Variants in PARD6G observed in about 807,000 individuals in gnomAD.
PARD6G encodes the protein partitioning defective 6 homolog gamma.
PARD6G carries 7 observed loss-of-function variants against 10.7 expected under a neutral mutation model. The observed-to-expected ratio is 0.66, with a 90% CI of 0.37 to 1.23. PARD6G has a LOEUF of 1.23. Among genes scored for constraint, PARD6G ranks in the 50% most tolerant of loss-of-function variants. The pLI, the probability that PARD6G is intolerant of heterozygous loss-of-function variation, is 0.02. For synonymous variants in PARD6G, 287 were observed against 269.4 expected (o/e 1.07, Z -0.64); for missense variants, 548 against 571.8 (o/e 0.96, Z 0.42).
chr18:80,205,741 G>A (rs891506556), intron 1 of PARD6G, among the ~76,000 whole-genome samples: 1 of 152,158 alleles, frequency 6.6e-6, no homozygotes, highest in African/African-American at 2.4e-5. Flanking sequence ...GGAACCGTGA[G>A]CCAATTAAGT....
rs1325929523 is a variant in PARD6G at position 80,182,819 on chromosome 18, T to C, written c.295+19891A>G. ...TTCTTTTAAAAATGACAAGTTACTA[T>C]TTTGGGCAGGACAAATGTTCCCAGA... On this transcript the variant is annotated intron_variant, in intron 2 of 2. Coordinates refer to ENST00000353265, the MANE Select transcript of PARD6G (RefSeq NM_032510.4). This position sits in a 1 kb window ranked among gnomAD's most constrained non-coding sequence, Gnocchi z 4.5. The C allele has an allele frequency of 2.7e-6, 1 of 370,378 alleles. No homozygotes were observed. Among genetic ancestry groups the C allele is most frequent in the Non-Finnish European group, 4.8e-6 (1 of 206,482 alleles). The allele number at this position is 370,378 out of a possible 1,614,324, so 22.9% of individuals were successfully genotyped here.
At chr18:80,191,077 G>C (rs8090009) in intron 2 of PARD6G, among the ~76,000 whole-genome samples, 31,557 of 152,138 alleles carry the variant, frequency 0.21, 3,401 homozygotes, top group Middle Eastern at 0.32. Context: ...CGTAACACCA[G>C]GTGGATGAGT....
chr18:80,183,349 C>A lies in PARD6G; in HGVS notation c.295+19361G>T, dbSNP rs1020624381. ...CGAAAGACAAAAAACCACCAGCATC[C>A]GTCTTCTTCCTTTCCAGCCAGACAA... On this transcript the variant is annotated intron_variant, in intron 2 of 2. Coordinates refer to ENST00000353265, the MANE Select transcript of PARD6G (RefSeq NM_032510.4). This position sits in a 1 kb window ranked among gnomAD's most constrained non-coding sequence, Gnocchi z 4.5. Among the ~76,000 whole-genome samples, 2 of 152,152 alleles carry A rather than the reference C, an allele frequency of 1.3e-5. No individual in the cohort carries two copies. The highest frequency in any genetic ancestry group is 2.9e-5 in the Non-Finnish European group (2 of 68,034).
chr18:80,195,334 T>C (rs1307396844), intron 2 of PARD6G, among the ~76,000 whole-genome samples: 4 of 151,640 alleles, frequency 2.6e-5, no homozygotes, highest in African/African-American at 4.8e-5. Flanking sequence ...GGAGCGTCCA[T>C]GAATACAAAA....
intron 1 of PARD6G, among the ~76,000 whole-genome samples, chr18:80,210,474 G>A (rs1205803000): frequency 3.3e-5 from 5 of 152,144 alleles, no homozygotes; most frequent in Non-Finnish European, 7.3e-5. Context: ...GAACCAGTCT[G>A]GAAGTTCCCC....
intron 1 of PARD6G, among the ~76,000 whole-genome samples, chr18:80,243,645 G>A (rs1325647382): frequency 6.6e-6 from 1 of 152,122 alleles, no homozygotes; most frequent in Non-Finnish European, 1.5e-5. Flanking sequence ...ACATAACTGT[G>A]GCACCAGCAT....
intron 2 of PARD6G, among the ~76,000 whole-genome samples, chr18:80,163,431 T>C (rs1187597418): frequency 1.5e-5 from 2 of 129,444 alleles, no homozygotes; most frequent in African/African-American, 6.8e-5. Context: ...ATCCTCTTTC[T>C]CTCTACCACT....
In PARD6G at chr18:80,160,553, C is replaced by T. The variant is rs1384332961; in HGVS notation, c.349G>A (p.Ala117Thr). 6.7e-7 allele frequency: 1 copy of T among 1,481,666 alleles called. No homozygotes were observed. Among genetic ancestry groups the T allele is most frequent in the Non-Finnish European group, 8.9e-7 (1 of 1,119,328 alleles). 91.8% of individuals were successfully genotyped at this position (1,481,666 alleles called of 1,614,324 possible). The change falls in exon 3 of 3, where the codon GCG becomes ACG. Residue 117 changes from alanine to threonine, a missense_variant. Around this residue, in one of 2 missense-constraint regions of PARD6G, gnomAD observed 235 missense variants for 291.9 expected, o/e 0.81. Coordinates refer to ENST00000353265, the MANE Select transcript of PARD6G (RefSeq NM_032510.4). Reference protein sequence around the residue: ...GAGSLCRRRRALGALRDEGPR... With the variant: ...GAGSLCRRRRTLGALRDEGPR... ...CCTTCATCACGCAGCGCGCCCAGCG[C>T]CCGCCTCCGCCTGCACAGCGAGCCC...
chr18:80,189,747 C>T lies in PARD6G; in HGVS notation c.295+12963G>A, dbSNP rs1054859231. On this transcript the variant is annotated intron_variant, in intron 2 of 2. Transcript: ENST00000353265. The surrounding 1 kb of genome is among the most constrained non-coding windows in gnomAD (Gnocchi z 5.5). The stretch of plus-strand genomic sequence containing the variant: ...GTTCTTTCATCTCCCAGATGAGACC[C>T]GACCTCTCCTTCCAGAGAGAAGGTC... Among the ~76,000 whole-genome samples, 2 of 152,092 alleles carry T rather than the reference C, an allele frequency of 1.3e-5. No homozygotes were observed. The highest frequency in any genetic ancestry group is 2.4e-5 in the African/African-American group (1 of 41,410).
In PARD6G at chr18:80,199,665, C is replaced by T. The variant is rs186775634; in HGVS notation, c.295+3045G>A. ...GATTAATTTTTCTTTTTTTCTGAGA[C>T]GGAGTTTCGCTCTGTCACCCAGGCT... On this transcript the variant is annotated intron_variant, in intron 2 of 2. Transcript: ENST00000353265. 4.2e-3 allele frequency among the ~76,000 whole-genome samples: 642 copies of T among 152,192 alleles called. 3 individuals are homozygous for T. Among genetic ancestry groups the T allele is most frequent in the Non-Finnish European group, 5.5e-3 (371 of 68,018 alleles).
At chr18:80,205,670 G>C (rs1340880750) in intron 1 of PARD6G, among the ~76,000 whole-genome samples, 1 of 152,196 alleles carries the variant, frequency 6.6e-6, no homozygotes, top group Non-Finnish European at 1.5e-5. Flanking sequence ...TCTGCCATGA[G>C]TAAAAGCTCC....
Position 80,184,734 on chromosome 18 carries a change from G to C in PARD6G, c.295+17976C>G, listed in dbSNP as rs1319676021. Reference sequence around the variant, plus strand: ...TGATTCCTTTCACGTGAAATTTCCAGAACAGGGAAATGCAGAGCGACAGAA... The same window carrying C: ...TGATTCCTTTCACGTGAAATTTCCACAACAGGGAAATGCAGAGCGACAGAA... On this transcript the variant is annotated intron_variant, in intron 2 of 2. Transcript: ENST00000353265. The surrounding 1 kb of genome is among the most constrained non-coding windows in gnomAD (Gnocchi z 4.5). 2 of 151,842 alleles carry C rather than the reference G, an allele frequency of 1.3e-5. No individual in the cohort carries two copies. Among genetic ancestry groups the C allele is most frequent in the Non-Finnish European group, 2.9e-5 (2 of 67,964 alleles). 9.4% of individuals were successfully genotyped at this position (151,842 alleles called of 1,614,324 possible). A position where few individuals can be genotyped will look rare whatever the true frequency, so the allele number is the denominator to read the frequency against.
intron 2 of PARD6G, among the ~76,000 whole-genome samples, chr18:80,166,021 T>G (rs1254669787): frequency 6.6e-6 from 1 of 151,986 alleles, no homozygotes; most frequent in Non-Finnish European, 1.5e-5. Context: ...GAGGCTGCAG[T>G]GAGCTGAGAT....
intron 2 of PARD6G, among the ~76,000 whole-genome samples, chr18:80,172,402 A>G (rs2052783255): frequency 6.9e-6 from 1 of 145,802 alleles, no homozygotes; most frequent in Non-Finnish European, 1.5e-5. Flanking sequence ...TTTTTGAGAC[A>G]GAGTTTCAGT....
At position 80,181,709 on chromosome 18, in the gene PARD6G, C is replaced by T. The variant is rs971587809; in HGVS notation, c.295+21001G>A. On this transcript the variant is annotated intron_variant, in intron 2 of 2. Transcript: ENST00000353265. This position sits in a 1 kb window ranked among gnomAD's most constrained non-coding sequence, Gnocchi z 7.9. ...CTGCCAACCTGGAGCCTGGCCCTTC[C>T]CTCCTTCCTGGCTGGAAGCTGCTTT... Among the ~76,000 whole-genome samples the T allele has an allele frequency of 4.6e-5, 7 of 152,098 alleles. No individual in the cohort carries two copies. The South Asian group carries it at 1.4e-3, about 32-fold the overall frequency.
chr18:80,205,760 T>C (rs577338897), intron 1 of PARD6G, among the ~76,000 whole-genome samples: 1 of 152,318 alleles, frequency 6.6e-6, no homozygotes, highest in Admixed American at 6.5e-5. Context: ...GTCTCTTTTC[T>C]TTATAAACCA....
chr18:80,198,752 G>A lies in PARD6G; in HGVS notation c.295+3958C>T, dbSNP rs535942989. Among the ~76,000 whole-genome samples the A allele has an allele frequency of 7.4e-4, 112 of 152,324 alleles. 1 individual carries two copies. Among genetic ancestry groups the A allele is most frequent in the African/African-American group, 2.5e-3 (106 of 41,576 alleles). On this transcript the variant is annotated intron_variant, in intron 2 of 2. Transcript: ENST00000353265. ...AAAAGTCAAAGTATTCACATATGGAGAATGGCTGAATTTTGGAAATAAAGG... is the reference window on the plus strand; with the variant it reads ...AAAAGTCAAAGTATTCACATATGGAAAATGGCTGAATTTTGGAAATAAAGG...
Position 80,247,067 on chromosome 18 carries a change from G to C in PARD6G, c.72+210C>G, listed in dbSNP as rs961412331. Reference sequence around the variant, plus strand: ...GATGGCCCTCGGCCCTCTGAGCGCCGCGGCTGCCGGGCTTTGTGTCCGCGC... The same window carrying C: ...GATGGCCCTCGGCCCTCTGAGCGCCCCGGCTGCCGGGCTTTGTGTCCGCGC... On this transcript the variant is annotated intron_variant, in intron 1 of 2. Coordinates refer to ENST00000353265, the MANE Select transcript of PARD6G (RefSeq NM_032510.4). This position sits in a 1 kb window ranked among gnomAD's most constrained non-coding sequence, Gnocchi z 4.2. 6.6e-6 allele frequency among the ~76,000 whole-genome samples: 1 copy of C among 152,154 alleles called. No individual in the cohort carries two copies. The highest frequency in any genetic ancestry group is 6.5e-5 in the Admixed American group (1 of 15,290).
intron 1 of PARD6G, among the ~76,000 whole-genome samples, chr18:80,215,518 C>A (rs75950419): frequency 6.6e-6 from 1 of 151,922 alleles, no homozygotes. Flanking sequence ...AGAGTTATAT[C>A]GGAGCAAAAT....
Sources: gnomAD v4.1 joint callset for allele counts (sites outside exome capture counted in the v4.1 genomes callset) on GRCh38, gnomAD v4.1.1 for gene constraint, gnomAD v4.1.1 regional missense constraint, Gnocchi (gnomAD v3.1) non-coding constraint, MANE v1.5 for transcripts, NCBI Gene and HGNC (gene_info 2026-07-23, HGNC 2026-07-21) for gene names.